SLCO3A1: variants seen among roughly 807,000 people sequenced by gnomAD.
SLCO3A1 encodes the protein solute carrier organic anion transporter family member 3A1, also known as PGE1 transporter.
SLCO3A1 carries 27 observed loss-of-function variants against 63.1 expected under a neutral mutation model. That is an observed-to-expected ratio of 0.43 (90% CI 0.32 to 0.59). The LOEUF (loss-of-function observed/expected upper bound fraction) is 0.59. SLCO3A1 is among the 20% of genes least tolerant of loss of function. SLCO3A1 has a pLI of 0.09. For synonymous variants in SLCO3A1, 473 were observed against 409.9 expected, an observed-to-expected ratio of 1.15 and a Z score of -1.86; for missense variants, 773 against 945.8, an observed-to-expected ratio of 0.82 and a Z score of 2.40.
rs1452589721 is a variant in SLCO3A1 at position 92,163,841 on chromosome 15, T to G, written c.*706T>G. On this transcript the variant is annotated 3_prime_UTR_variant, in exon 10 of 10. Coordinates refer to ENST00000318445, the MANE Select transcript of SLCO3A1 (RefSeq NM_013272.4). Reference sequence around the variant, plus strand: ...CCAGCTCCATTTCCATGTTCAAGACTGAGGGCCTGAGGGGGAGCCAGGTGG... The same window carrying G: ...CCAGCTCCATTTCCATGTTCAAGACGGAGGGCCTGAGGGGGAGCCAGGTGG... 3.0e-6 allele frequency: 3 copies of G among 985,348 alleles called. No individual in the cohort carries two copies. The highest frequency in any genetic ancestry group is 3.6e-6 in the Non-Finnish European group (3 of 830,056). The allele number at this position is 985,348 out of a possible 1,614,324, so 61.0% of individuals were successfully genotyped here. A position where few individuals can be genotyped will look rare whatever the true frequency, so the allele number is the denominator to read the frequency against.
In SLCO3A1 at chr15:92,144,678, C is replaced by G. The variant is rs1327508071; in HGVS notation, c.1513-2306C>G. The stretch of plus-strand genomic sequence containing the variant: ...TATGCTGGTGTCCTACAACTCCTGC[C>G]TTCTGAGTCTCTCCCAGGTTTCCTT... On this transcript the variant is annotated intron_variant, in intron 7 of 9. Transcript: ENST00000318445. Among the ~76,000 whole-genome samples, 3 of 152,258 alleles carry G rather than the reference C, an allele frequency of 2.0e-5. No individual in the cohort carries two copies. In the East Asian group the frequency reaches 5.8e-4, roughly 29 times the overall value.
intron 1 of SLCO3A1, among the ~76,000 whole-genome samples, chr15:91,895,135 T>A (rs1338642158): frequency 6.6e-6 from 1 of 152,188 alleles, no homozygotes; most frequent in Non-Finnish European, 1.5e-5. Flanking sequence ...GTATTTTACA[T>A]GAAAAAGAAG....
chr15:91,966,211 C>T (rs1900655637), intron 2 of SLCO3A1, among the ~76,000 whole-genome samples: 1 of 152,288 alleles, frequency 6.6e-6, no homozygotes, highest in Non-Finnish European at 1.5e-5. Flanking sequence ...ACCATAACTG[C>T]ACCCGTAGCT....
rs534758112 is a variant in SLCO3A1 at position 92,165,399 on chromosome 15, T to C, written c.*2264T>C. 1.4e-4 allele frequency: 134 copies of C among 985,356 alleles called. No individual in the cohort carries two copies. Among genetic ancestry groups the C allele is most frequent in the Admixed American group, 1.0e-3 (17 of 16,280 alleles). The allele number at this position is 985,356 out of a possible 1,614,324, so 61.0% of individuals were successfully genotyped here. A position where few individuals can be genotyped will look rare whatever the true frequency, so the allele number is the denominator to read the frequency against. ...ATTTTGGTTTAGTTTTGCAAATATA[T>C]TGCTAATAGGTCACTCTTATAGATT... On this transcript the variant is annotated 3_prime_UTR_variant, in exon 10 of 10. Transcript: ENST00000318445.
At chr15:92,131,839 C>T (rs753049992) in intron 7 of SLCO3A1, among the ~76,000 whole-genome samples, 1 of 146,284 alleles carries the variant, frequency 6.8e-6, no homozygotes, top group Non-Finnish European at 1.5e-5. Flanking sequence ...CAGCTCATTG[C>T]TTCCTCCAGG....
chr15:91,903,786 A>G (rs990875868), intron 1 of SLCO3A1, among the ~76,000 whole-genome samples: 2 of 152,200 alleles, frequency 1.3e-5, no homozygotes, highest in African/African-American at 2.4e-5. Context: ...ATCTGCTTAC[A>G]TGGGTTTGAC....
intron 2 of SLCO3A1, among the ~76,000 whole-genome samples, chr15:92,093,384 G>A (rs572160437): frequency 9.5e-4 from 144 of 152,278 alleles, no homozygotes; most frequent in Non-Finnish European, 1.6e-3. Flanking sequence ...TGAACTGAGT[G>A]AGAGCACACC....
downstream of SLCO3A1, among the ~76,000 whole-genome samples, chr15:92,170,274 A>G (rs957078086): frequency 2.8e-4 from 43 of 152,314 alleles, no homozygotes; most frequent in African/African-American, 1.0e-3. Context: ...CTGAACACAG[A>G]TGGTGCTCCC....
chr15:91,853,717 G>C lies in SLCO3A1; in HGVS notation c.-192G>C, dbSNP rs1362294669. The stretch of plus-strand genomic sequence containing the variant: ...GGAGGAGGAGGAAGGGGCGATCGCG[G>C]CGGCGGCGGCGGCGGCGAGGAGCTG... On this transcript the variant is annotated 5_prime_UTR_variant, in exon 1 of 10. Coordinates refer to ENST00000318445, the MANE Select transcript of SLCO3A1 (RefSeq NM_013272.4). 4.4e-6 allele frequency: 2 copies of C among 450,472 alleles called. No homozygotes were observed. The highest frequency in any genetic ancestry group is 2.3e-4 in the East Asian group (2 of 8,868). The allele number at this position is 450,472 out of a possible 1,614,324, so 27.9% of individuals were successfully genotyped here. A position where few individuals can be genotyped will look rare whatever the true frequency, so the allele number is the denominator to read the frequency against.
chr15:92,119,998 C>CATAT (rs535175019), intron 4 of SLCO3A1, among the ~76,000 whole-genome samples: 1 of 151,216 alleles, frequency 6.6e-6, no homozygotes, highest in African/African-American at 2.4e-5. Context: ...TTTTCTTACA[C>CATAT]ATATATATAT....
At chr15:91,874,308 C>A (rs1897346779) in intron 1 of SLCO3A1, among the ~76,000 whole-genome samples, 1 of 152,112 alleles carries the variant, frequency 6.6e-6, no homozygotes. Flanking sequence ...TAAGCGGGGA[C>A]TCCTACATTA....
intron 3 of SLCO3A1, among the ~76,000 whole-genome samples, chr15:92,103,434 T>C (rs2047629585): frequency 6.6e-6 from 1 of 152,142 alleles, no homozygotes; most frequent in Non-Finnish European, 1.5e-5. Context: ...CACCAAACCA[T>C]ATGCATAGCC....
chr15:91,962,955 T>A (rs1352904328), intron 2 of SLCO3A1, among the ~76,000 whole-genome samples: 4 of 152,222 alleles, frequency 2.6e-5, no homozygotes, highest in Non-Finnish European at 5.9e-5. Context: ...TGTGCATTCA[T>A]CTGAAGACAT....
chr15:91,902,923 G>T (rs193189369), intron 1 of SLCO3A1, among the ~76,000 whole-genome samples: 1 of 152,182 alleles, frequency 6.6e-6, no homozygotes, highest in Non-Finnish European at 1.5e-5. Flanking sequence ...CTGCAAATTC[G>T]AAATAATAAT....
intron 2 of SLCO3A1, among the ~76,000 whole-genome samples, chr15:92,024,327 G>T (rs1160325055): frequency 6.6e-6 from 1 of 152,176 alleles, no homozygotes; most frequent in African/African-American, 2.4e-5. Flanking sequence ...AAGGGAGAGG[G>T]CTTCCCTCAC....
chr15:92,104,665 G>GCCAGC, intron 4 of SLCO3A1, 123 bp downstream of exon 4: 5 of 979,182 alleles, frequency 5.1e-6, no homozygotes, highest in Non-Finnish European at 7.3e-6. Flanking sequence ...AATAATATTG[G>GCCAGC]CTTGCATGGC....
intron 2 of SLCO3A1, among the ~76,000 whole-genome samples, chr15:92,077,836 C>G (rs2047297517): frequency 6.6e-6 from 1 of 152,186 alleles, no homozygotes; most frequent in South Asian, 2.1e-4. Context: ...AGAGGGATTT[C>G]CAAAGCCCTC....
chr15:91,890,091 T>A (rs75656833), intron 1 of SLCO3A1, among the ~76,000 whole-genome samples: 5,898 of 152,304 alleles, frequency 0.039, 222 homozygotes, highest in Admixed American at 0.08. Context: ...ACATTTAACA[T>A]GTGGAATATA....
intron 2 of SLCO3A1, among the ~76,000 whole-genome samples, chr15:92,032,876 A>C (rs2046672141): frequency 6.8e-6 from 1 of 146,742 alleles, no homozygotes; most frequent in Admixed American, 6.8e-5. Flanking sequence ...CTGAAATTTC[A>C]AGTCCATACA....
Sources: gnomAD v4.1 joint callset for allele counts (sites outside exome capture counted in the v4.1 genomes callset) on GRCh38, gnomAD v4.1.1 for gene constraint, MANE v1.5 for transcripts, NCBI Gene and HGNC (gene_info 2026-07-23, HGNC 2026-07-21) for gene names.